Variants in ZNF804B observed in about 807,000 individuals in gnomAD.
The protein encoded by ZNF804B is zinc finger 804B.
Under a neutral mutation model 101.4 loss-of-function variants are expected in ZNF804B, and 80 were observed. The ratio of observed to expected loss-of-function variants is 0.79; its 90% confidence interval spans 0.66 to 0.95. The LOEUF (loss-of-function observed/expected upper bound fraction) is 0.95. Among genes scored for constraint, ZNF804B ranks in the 40% least tolerant of loss-of-function variants. The pLI, the probability that ZNF804B is intolerant of heterozygous loss-of-function variation, is 0.00. For missense variants in ZNF804B, 1,673 were observed against 1,561.9 expected (o/e 1.07, Z -1.20); for synonymous variants, 622 against 558.8 (o/e 1.11, Z -1.59).
chr7:89,314,683 C>T (rs1790694335), intron 2 of ZNF804B, among the ~76,000 whole-genome samples: 1 of 152,172 alleles, frequency 6.6e-6, no homozygotes, highest in Non-Finnish European at 1.5e-5. Flanking sequence ...AAATGTGTAA[C>T]TAAATCTAGA....
At chr7:89,004,600 ACTGTT>A (rs1788343813) in intron 1 of ZNF804B, among the ~76,000 whole-genome samples, 1 of 151,856 alleles carries the variant, frequency 6.6e-6, no homozygotes, top group Non-Finnish European at 1.5e-5. Flanking sequence ...CATGACTACT[ACTGTT>A]CTTCCATCAA....
intron 1 of ZNF804B, among the ~76,000 whole-genome samples, chr7:88,891,022 A>T (rs1786022949): frequency 2.0e-5 from 3 of 152,040 alleles, no homozygotes; most frequent in African/African-American, 4.8e-5. Flanking sequence ...CCTCAATAGA[A>T]TATAGGCTTT....
chr7:89,104,892 AG>A (rs1790111842), intron 1 of ZNF804B, among the ~76,000 whole-genome samples: 1 of 152,092 alleles, frequency 6.6e-6, no homozygotes, highest in African/African-American at 2.4e-5. Context: ...ATTGTTCAGT[AG>A]TGAGCTGTTT....
chr7:89,105,384 T>C (rs1790119083), intron 1 of ZNF804B, among the ~76,000 whole-genome samples: 1 of 152,154 alleles, frequency 6.6e-6, no homozygotes, highest in South Asian at 2.1e-4. Context: ...ATTCCATGGA[T>C]AGCTTTTAAC....
chr7:88,852,187 C>T (rs1791458236), intron 1 of ZNF804B, among the ~76,000 whole-genome samples: 1 of 152,054 alleles, frequency 6.6e-6, no homozygotes, highest in South Asian at 2.1e-4. Context: ...AAGCCTGACA[C>T]CCCAAGAGCA....
intron 2 of ZNF804B, among the ~76,000 whole-genome samples, chr7:89,279,136 G>T (rs2115862631): frequency 6.6e-6 from 1 of 152,236 alleles, no homozygotes; most frequent in South Asian, 2.1e-4. Flanking sequence ...GTTCACTCAT[G>T]ATTTGGCTTT....
intron 2 of ZNF804B, among the ~76,000 whole-genome samples, chr7:89,289,869 T>C (rs1026453078): frequency 7.2e-5 from 11 of 152,196 alleles, no homozygotes; most frequent in Admixed American, 2.0e-4. Flanking sequence ...CCTACTAAGA[T>C]ACCAGACAGG....
rs1487886166 is a variant in ZNF804B at position 88,877,007 on chromosome 7, A to AAAATATATATATATAATATATATT, written c.108+116924_108+116925insAATATATATATATAATATATATTA. 2.7e-4 allele frequency among the ~76,000 whole-genome samples: 20 copies of AAAATATATATATATAATATATATT among 75,182 alleles called. 1 individual carries two copies. Among genetic ancestry groups the AAAATATATATATATAATATATATT allele is most frequent in the African/African-American group, 1.8e-3 (19 of 10,672 alleles). The allele number at this position is 75,182 out of a possible 152,430, so 49.3% of individuals were successfully genotyped here. On this transcript the variant is annotated intron_variant, in intron 1 of 3. Coordinates refer to ENST00000333190, the MANE Select transcript of ZNF804B (RefSeq NM_181646.5). ...TATACAGAGAATATTTGAAAAAAAA[A>AAAATATATATATATAATATATATT]ATATATATATATATATATAATATAT...
intron 2 of ZNF804B, among the ~76,000 whole-genome samples, chr7:89,294,473 G>GT (rs1790348602): frequency 6.6e-6 from 1 of 151,844 alleles, no homozygotes; most frequent in African/African-American, 2.4e-5. Context: ...TTTGTTCAGT[G>GT]TTTTTTTCAG....
chr7:88,946,663 T>C (rs1274521511), intron 1 of ZNF804B, among the ~76,000 whole-genome samples: 4 of 151,850 alleles, frequency 2.6e-5, no homozygotes, highest in African/African-American at 9.7e-5. Context: ...TTTGGAATAG[T>C]TTCAGAAGGA....
intron 1 of ZNF804B, among the ~76,000 whole-genome samples, chr7:89,177,696 A>T (rs1021163364): frequency 6.6e-6 from 1 of 152,122 alleles, no homozygotes; most frequent in Non-Finnish European, 1.5e-5. Context: ...CAATGATGAA[A>T]ATGGGGTGTT....
chr7:89,171,304 C>T (rs1375092830), intron 1 of ZNF804B, among the ~76,000 whole-genome samples: 2 of 105,092 alleles, frequency 1.9e-5, no homozygotes, highest in East Asian at 2.4e-4. Context: ...TCTTCTTCTT[C>T]TTCTTCTTCT....
rs147347115 is a variant in ZNF804B, at chr7:89,259,219, T to C, written c.249+40924T>C. Among the ~76,000 whole-genome samples, 552 of 152,324 alleles carry C rather than the reference T, an allele frequency of 3.6e-3. 3 individuals carry two copies. Among genetic ancestry groups the C allele is most frequent in the Non-Finnish European group, 6.4e-3 (433 of 68,034 alleles). The stretch of plus-strand genomic sequence containing the variant: ...AAGCCTTAATTTCCCTCATCATCTT[T>C]TGTTAATTCCTTTAGTGTGGTGTCT... On this transcript the variant is annotated intron_variant, in intron 2 of 3. Coordinates refer to ENST00000333190, the MANE Select transcript of ZNF804B (RefSeq NM_181646.5).
intron 1 of ZNF804B, among the ~76,000 whole-genome samples, chr7:88,959,730 G>T (rs1793363238): frequency 6.6e-6 from 1 of 151,360 alleles, no homozygotes; most frequent in African/African-American, 2.4e-5. Context: ...TGATAGCTGT[G>T]TATAGTCAAA....
chr7:89,218,442 T>C (rs1349769476), intron 2 of ZNF804B, 147 bp downstream of exon 2: 1 of 938,824 alleles, frequency 1.1e-6, no homozygotes, highest in African/African-American at 1.7e-5. Context: ...GGTTGTGTTT[T>C]GTGTTTAAAT....
chr7:88,902,967 C>T (rs1792414800), intron 1 of ZNF804B, among the ~76,000 whole-genome samples: 1 of 152,016 alleles, frequency 6.6e-6, no homozygotes, highest in African/African-American at 2.4e-5. Flanking sequence ...TTTTATTTTA[C>T]ATATGGGAGT....
chr7:89,270,736 T>C (rs1370538364), intron 2 of ZNF804B, among the ~76,000 whole-genome samples: 1 of 152,190 alleles, frequency 6.6e-6, no homozygotes, highest in Non-Finnish European at 1.5e-5. Context: ...TCCTCTTTTA[T>C]TTCGTTGAGC....
intron 1 of ZNF804B, among the ~76,000 whole-genome samples, chr7:89,141,075 G>T (rs1790709569): frequency 6.6e-6 from 1 of 151,994 alleles, no homozygotes; most frequent in Non-Finnish European, 1.5e-5. Context: ...GAGAGGAGGG[G>T]AGATGGGGAA....
intron 2 of ZNF804B, among the ~76,000 whole-genome samples, chr7:89,234,716 C>T (rs1789252546): frequency 6.6e-6 from 1 of 152,200 alleles, no homozygotes; most frequent in African/African-American, 2.4e-5. Flanking sequence ...CCTTTCTCCT[C>T]CTTTCCTTGG....
Sources: gnomAD v4.1 joint callset for allele counts (sites outside exome capture counted in the v4.1 genomes callset) on GRCh38, gnomAD v4.1.1 for gene constraint, MANE v1.5 for transcripts, NCBI Gene and HGNC (gene_info 2026-07-23, HGNC 2026-07-21) for gene names.